KCNJ6: variants seen among roughly 807,000 people sequenced by gnomAD.
KCNJ6 encodes potassium inwardly rectifying channel subfamily J member 6, also known as G protein-activated inward rectifier potassium channel 2.
In KCNJ6, 9 loss-of-function variants were observed where a neutral mutation model predicts 34.2. That is an observed-to-expected ratio of 0.26 (90% CI 0.16 to 0.46). The LOEUF is 0.46. Ranked by LOEUF, KCNJ6 falls within the 20% of genes least tolerant of loss-of-function variation. The pLI is 1.00. For synonymous variants in KCNJ6, 196 were observed against 207.1 expected, an observed-to-expected ratio of 0.95 and a Z score of 0.46; for missense variants, 236 against 531.3, an observed-to-expected ratio of 0.44 and a Z score of 5.46.
At chr21:37,783,443 C>T (rs1345408826) in intron 2 of KCNJ6, among the ~76,000 whole-genome samples, 1 of 152,140 alleles carries the variant, frequency 6.6e-6, no homozygotes, top group Non-Finnish European at 1.5e-5. Flanking sequence ...ACTTTTGCAT[C>T]TTCCTCATTT....
intron 1 of KCNJ6, among the ~76,000 whole-genome samples, chr21:37,903,964 T>C (rs1239886067): frequency 6.6e-6 from 1 of 152,174 alleles, no homozygotes; most frequent in African/African-American, 2.4e-5. Flanking sequence ...CCAAAAAACA[T>C]CCAGATATTG....
Position 37,857,679 on chromosome 21 carries a change from C to T in KCNJ6, c.-27-16970G>A, listed in dbSNP as rs1352172976. 3.9e-5 allele frequency among the ~76,000 whole-genome samples: 6 copies of T among 152,322 alleles called. No individual in the cohort carries two copies. In the East Asian group the frequency reaches 1.2e-3, roughly 29 times the overall value. ...GCTATGCTTCCTGGGCCCTTCTCAA[C>T]ACTTCCTTTCACAAATTACTGACCC... On this transcript the variant is annotated intron_variant, in intron 1 of 3. Transcript: ENST00000609713.
intron 3 of KCNJ6, among the ~76,000 whole-genome samples, chr21:37,664,267 G>A (rs73222345): frequency 0.28 from 42,972 of 151,664 alleles, 6,808 homozygotes; most frequent in Non-Finnish European, 0.35. Flanking sequence ...AATAATGAGC[G>A]AAACACCCAC....
At chr21:37,709,965 T>C (rs559240423) in intron 3 of KCNJ6, among the ~76,000 whole-genome samples, 6 of 152,218 alleles carry the variant, frequency 3.9e-5, no homozygotes, top group African/African-American at 1.4e-4. Context: ...TCCTTGTCTA[T>C]AAAGTGTTCT....
intron 2 of KCNJ6, among the ~76,000 whole-genome samples, chr21:37,799,841 T>C (rs1423804129): frequency 1.3e-5 from 2 of 152,200 alleles, no homozygotes; most frequent in African/African-American, 4.8e-5. Context: ...ACTGTTACAA[T>C]AGATTTGTCT....
intron 2 of KCNJ6, among the ~76,000 whole-genome samples, chr21:37,720,665 C>A (rs1423771850): frequency 6.6e-6 from 1 of 152,044 alleles, no homozygotes; most frequent in East Asian, 1.9e-4. Context: ...TCAAAAATCA[C>A]CCCCAACCCA....
chr21:37,663,994 A>G (rs1435156796), intron 3 of KCNJ6, among the ~76,000 whole-genome samples: 2 of 152,230 alleles, frequency 1.3e-5, no homozygotes, highest in African/African-American at 4.8e-5. Flanking sequence ...TAAGTCCCAA[A>G]GAAACTATCA....
At chr21:37,787,971 T>C (rs1443860863) in intron 2 of KCNJ6, among the ~76,000 whole-genome samples, 1 of 152,228 alleles carries the variant, frequency 6.6e-6, no homozygotes, top group Non-Finnish European at 1.5e-5. Context: ...GGAAGATATC[T>C]TCTTTAAGGT....
At chr21:37,756,851 A>G (rs62224366) in intron 2 of KCNJ6, among the ~76,000 whole-genome samples, 1 of 93,146 alleles carries the variant, frequency 1.1e-5, no homozygotes, top group African/African-American at 4.4e-5. Flanking sequence ...CAGAGTGAGC[A>G]CTCTCTCACA....
intron 1 of KCNJ6, among the ~76,000 whole-genome samples, chr21:37,863,852 TTTTTTTTG>T (rs1208778838): frequency 4.3e-4 from 32 of 74,344 alleles, no homozygotes; most frequent in African/African-American, 1.6e-3. Context: ...AAAGGTTTTT[TTTTTTTTG>T]TTTTTTTTTT....
chr21:37,786,379 T>C (rs1036525087), intron 2 of KCNJ6, among the ~76,000 whole-genome samples: 1 of 152,208 alleles, frequency 6.6e-6, no homozygotes, highest in African/African-American at 2.4e-5. Context: ...GGGCATCCAC[T>C]TGGGGATCCC....
intron 3 of KCNJ6, among the ~76,000 whole-genome samples, chr21:37,687,863 C>T (rs1481175905): frequency 6.6e-6 from 1 of 152,126 alleles, no homozygotes; most frequent in South Asian, 2.1e-4. Context: ...GTTTGGAGTT[C>T]TTAGTTGTAT....
At chr21:37,847,313 G>A (rs927926900) in intron 1 of KCNJ6, among the ~76,000 whole-genome samples, 3 of 152,190 alleles carry the variant, frequency 2.0e-5, no homozygotes, top group African/African-American at 7.2e-5. Flanking sequence ...CTGAGGCACA[G>A]AGAGGTTCAG....
intron 1 of KCNJ6, among the ~76,000 whole-genome samples, chr21:37,898,156 G>A (rs1281274407): frequency 6.6e-6 from 1 of 152,214 alleles, no homozygotes; most frequent in East Asian, 1.9e-4. Flanking sequence ...TGTCTGAGCA[G>A]CTTTGGTTGC....
chr21:37,675,612 C>T lies in KCNJ6; in HGVS notation c.946+38599G>A, dbSNP rs1194012661. ...CCCTGCCCTGAGCGGAATTCTCCGGCCCCAGGAGAGGCCGTGTGGCCATAA... is the reference window on the plus strand; with the variant it reads ...CCCTGCCCTGAGCGGAATTCTCCGGTCCCAGGAGAGGCCGTGTGGCCATAA... On this transcript the variant is annotated intron_variant, in intron 3 of 3. Transcript: ENST00000609713. The surrounding 1 kb of genome is among the most constrained non-coding windows in gnomAD (Gnocchi z 4.2). 6.6e-6 allele frequency among the ~76,000 whole-genome samples: 1 copy of T among 152,240 alleles called. No homozygotes were observed. Among genetic ancestry groups the T allele is most frequent in the Admixed American group, 6.5e-5 (1 of 15,292 alleles).
chr21:37,860,048 T>C lies in KCNJ6; in HGVS notation c.-27-19339A>G, dbSNP rs564796740. ...CGTGCCCTGGATGCCCAGAGTAACA[T>C]GGCCCCAAGACACATGCTGCAGGTG... On this transcript the variant is annotated intron_variant, in intron 1 of 3. Transcript: ENST00000609713. 2.0e-5 allele frequency among the ~76,000 whole-genome samples: 3 copies of C among 152,104 alleles called. No individual in the cohort carries two copies. The South Asian group carries it at 6.2e-4, about 32-fold the overall frequency.
At chr21:37,902,126 T>C (rs905893907) in intron 1 of KCNJ6, among the ~76,000 whole-genome samples, 2 of 152,242 alleles carry the variant, frequency 1.3e-5, no homozygotes, top group African/African-American at 2.4e-5. Flanking sequence ...CATGAGGACT[T>C]AGGTTCTGAA....
chr21:37,781,303 C>G (rs954679850), intron 2 of KCNJ6, among the ~76,000 whole-genome samples: 2 of 152,176 alleles, frequency 1.3e-5, no homozygotes, highest in African/African-American at 4.8e-5. Flanking sequence ...TTTCGTGTGC[C>G]AGCATAATCC....
At chr21:37,626,404 G>C in intron 3 of KCNJ6, among the ~76,000 whole-genome samples, 1 of 152,176 alleles carries the variant, frequency 6.6e-6, no homozygotes, top group East Asian at 1.9e-4. Flanking sequence ...AAAGTGTTGG[G>C]ATTACAGGCG....
Sources: gnomAD v4.1 joint callset for allele counts (sites outside exome capture counted in the v4.1 genomes callset) on GRCh38, gnomAD v4.1.1 for gene constraint, Gnocchi (gnomAD v3.1) non-coding constraint, MANE v1.5 for transcripts, NCBI Gene and HGNC (gene_info 2026-07-23, HGNC 2026-07-21) for gene names.